Variants in CRTAC1 observed in about 807,000 individuals in gnomAD.
The protein encoded by CRTAC1 is cartilage acidic protein 1.
CRTAC1 carries 37 observed loss-of-function variants against 67.8 expected under a neutral mutation model. The observed-to-expected ratio is 0.55, with a 90% confidence interval of 0.42 to 0.72. The LOEUF (loss-of-function observed/expected upper bound fraction) is 0.72, where lower values mean the gene tolerates loss of function less well. Ranked by LOEUF, CRTAC1 falls within the 30% of genes least tolerant of loss-of-function variation. CRTAC1 has a pLI of 0.00. For synonymous variants in CRTAC1, 348 were observed against 371.0 expected, an observed-to-expected ratio of 0.94 and a Z score of 0.71; for missense variants, 780 against 931.6, an observed-to-expected ratio of 0.84 and a Z score of 2.12.
At chr10:97,914,409 C>G (rs968877290) in intron 5 of CRTAC1, among the ~76,000 whole-genome samples, 1 of 152,208 alleles carries the variant, frequency 6.6e-6, no homozygotes. Context: ...TGCCCGTGTG[C>G]CAGGCCATGT....
chr10:97,983,120 C>G (rs2051923269), intron 2 of CRTAC1, among the ~76,000 whole-genome samples: 1 of 152,168 alleles, frequency 6.6e-6, no homozygotes, highest in Non-Finnish European at 1.5e-5. Context: ...ATGAAACATG[C>G]CAAAGGGCAA....
At chr10:97,974,887 T>C (rs2051773197) in intron 2 of CRTAC1, among the ~76,000 whole-genome samples, 1 of 152,232 alleles carries the variant, frequency 6.6e-6, no homozygotes, top group South Asian at 2.1e-4. Context: ...CTCGCTGCAT[T>C]GGAAGCAGCT....
chr10:97,961,898 G>A (rs532819164), intron 2 of CRTAC1, among the ~76,000 whole-genome samples: 10 of 152,318 alleles, frequency 6.6e-5, no homozygotes, highest in Admixed American at 3.9e-4. Context: ...TCAGGCTAGC[G>A]TCTAATTTTA....
At chr10:98,025,519 T>C (rs2136709908) in intron 1 of CRTAC1, among the ~76,000 whole-genome samples, 1 of 152,328 alleles carries the variant, frequency 6.6e-6, no homozygotes, top group South Asian at 2.1e-4. Context: ...TTCACACCTT[T>C]CTGCACACTT....
chr10:97,978,048 C>G (rs891530991), intron 2 of CRTAC1, among the ~76,000 whole-genome samples: 4 of 152,182 alleles, frequency 2.6e-5, no homozygotes, highest in African/African-American at 9.7e-5. Flanking sequence ...AACTCCAACA[C>G]AGTCCACCTG....
At chr10:98,008,726 A>G (rs1842847766) in intron 2 of CRTAC1, among the ~76,000 whole-genome samples, 1 of 152,012 alleles carries the variant, frequency 6.6e-6, no homozygotes, top group Admixed American at 6.6e-5. Flanking sequence ...TTCCACATTA[A>G]CCTGAGGGAA....
intron 2 of CRTAC1, among the ~76,000 whole-genome samples, chr10:97,996,987 A>T (rs1842587277): frequency 6.6e-6 from 1 of 150,654 alleles, no homozygotes; most frequent in African/African-American, 2.4e-5. Context: ...TCGCAAGGAC[A>T]AAAAACCAAA....
chr10:97,908,162 G>T lies in CRTAC1; in HGVS notation c.716-15C>A. 6.2e-7 allele frequency: 1 copy of T among 1,613,350 alleles called. No homozygotes were observed. Among genetic ancestry groups the T allele is most frequent in the South Asian group, 1.1e-5 (1 of 90,992 alleles). ...GCCTCGGCCCCCTAGAAAAGACATC[G>T]ACCCACAGTGAGTGGCAGAAGCAAG... On this transcript the variant is annotated splice_polypyrimidine_tract_variant and intron_variant, in intron 5 of 14. Coordinates refer to ENST00000370597, the MANE Select transcript of CRTAC1 (RefSeq NM_018058.7).
At chr10:97,899,301 T>C (rs2050501504) in intron 8 of CRTAC1, among the ~76,000 whole-genome samples, 1 of 152,224 alleles carries the variant, frequency 6.6e-6, no homozygotes, top group Non-Finnish European at 1.5e-5. Flanking sequence ...GCAAACACAC[T>C]AACCCATTGG....
In CRTAC1 at chr10:97,908,095, G is replaced by A. The variant is rs1305971034; in HGVS notation, c.768C>T (p.Ile256=). The A allele has an allele frequency of 6.2e-7, 1 of 1,614,176 alleles. No homozygotes were observed. Among genetic ancestry groups the A allele is most frequent in the South Asian group, 1.1e-5 (1 of 91,084 alleles). The part of the protein sequence containing the change: ...GPILSSSASD[I]FCDNENGPNF... Reference sequence around the variant, plus strand: ...TAGGCCCATTCTCATTGTCGCAGAAGATATCCGAGGCACTGCTGCTGAGGA... The same window carrying A: ...TAGGCCCATTCTCATTGTCGCAGAAAATATCCGAGGCACTGCTGCTGAGGA... Residue 256 remains isoleucine, a synonymous_variant, in exon 6 of 15, where the codon ATC becomes ATT. Coordinates refer to ENST00000370597, the MANE Select transcript of CRTAC1 (RefSeq NM_018058.7).
At chr10:97,974,840 C>T (rs1027571510) in intron 2 of CRTAC1, among the ~76,000 whole-genome samples, 1 of 152,162 alleles carries the variant, frequency 6.6e-6, no homozygotes, top group Admixed American at 6.5e-5. Context: ...TTAGTAACGA[C>T]CTTAAAGAGT....
chr10:97,901,408 G>A (rs1221373269), intron 8 of CRTAC1, 95 bp downstream of exon 8: 2 of 1,516,606 alleles, frequency 1.3e-6, no homozygotes, highest in Non-Finnish European at 1.8e-6. Context: ...CTGGCCCTGG[G>A]AACCCTCCCC....
At chr10:97,918,454 A>C (rs1348476740) in intron 4 of CRTAC1, among the ~76,000 whole-genome samples, 1 of 152,208 alleles carries the variant, frequency 6.6e-6, no homozygotes, top group East Asian at 1.9e-4. Context: ...AGAGATCCAC[A>C]CACTTTCTAA....
At chr10:97,918,296 C>T (rs999387380) in intron 4 of CRTAC1, among the ~76,000 whole-genome samples, 1 of 152,210 alleles carries the variant, frequency 6.6e-6, no homozygotes, top group African/African-American at 2.4e-5. Flanking sequence ...ATTTGCTTTT[C>T]CCTTTGCATC....
chr10:97,962,883 AC>A (rs1190676144), intron 2 of CRTAC1, among the ~76,000 whole-genome samples: 11 of 151,992 alleles, frequency 7.2e-5, no homozygotes, highest in African/African-American at 2.7e-4. Flanking sequence ...AGCAAAAAAA[AC>A]CAAAACAAAA....
intron 8 of CRTAC1, among the ~76,000 whole-genome samples, chr10:97,898,214 G>A (rs1053407405): frequency 3.3e-5 from 5 of 152,178 alleles, no homozygotes; most frequent in East Asian, 1.9e-4. Flanking sequence ...ATTGTGTGCC[G>A]GGCCCTGCGT....
chr10:97,985,113 A>C (rs184370465), intron 2 of CRTAC1, among the ~76,000 whole-genome samples: 1 of 152,222 alleles, frequency 6.6e-6, no homozygotes, highest in East Asian at 1.9e-4. Flanking sequence ...GTATTCCTTG[A>C]TTACCATTTT....
intron 6 of CRTAC1, among the ~76,000 whole-genome samples, chr10:97,905,093 G>C (rs1211557156): frequency 6.6e-6 from 1 of 152,120 alleles, no homozygotes; most frequent in East Asian, 1.9e-4. Flanking sequence ...CATGGGTTGG[G>C]GGAGGGAGAC....
At chr10:97,963,259 T>C (rs1423239977) in intron 2 of CRTAC1, among the ~76,000 whole-genome samples, 1 of 152,162 alleles carries the variant, frequency 6.6e-6, no homozygotes, top group African/African-American at 2.4e-5. Flanking sequence ...CTCTTCTTTT[T>C]CCTGGACTGG....
Sources: allele counts gnomAD v4.1 joint callset (sites outside exome capture counted in the v4.1 genomes callset), GRCh38; gene constraint gnomAD v4.1.1; transcripts MANE v1.5; gene names NCBI Gene and HGNC (gene_info 2026-07-23, HGNC 2026-07-21).